Variants in SNX25 observed in about 807,000 individuals in gnomAD.
The protein encoded by SNX25 is sorting nexin-25.
SNX25 carries 62 observed loss-of-function variants against 113.7 expected under a neutral mutation model. The ratio of observed to expected loss-of-function variants is 0.55; its 90% CI spans 0.44 to 0.67. The LOEUF (loss-of-function observed/expected upper bound fraction) is 0.67, where lower values mean the gene tolerates loss of function less well. Among genes scored for constraint, SNX25 ranks in the 30% least tolerant of loss-of-function variants. SNX25 has a pLI of 0.00. For missense variants in SNX25, 1,014 were observed against 1,161.0 expected, an observed-to-expected ratio of 0.87 and a Z score of 1.84; for synonymous variants, 421 against 436.2, an observed-to-expected ratio of 0.97 and a Z score of 0.43.
intron 2 of SNX25, 52 bp from the exon 3 acceptor site, chr4:185,258,796 G>T (rs1311620309): frequency 6.7e-5 from 97 of 1,438,476 alleles, no homozygotes; most frequent in Non-Finnish European, 8.5e-5. Context: ...ATGCAGTCTT[G>T]GTGTTTGCTT....
intron 1 of SNX25, among the ~76,000 whole-genome samples, chr4:185,225,639 G>A (rs566460242): frequency 8.5e-5 from 13 of 152,314 alleles, no homozygotes; most frequent in African/African-American, 2.2e-4. Context: ...TGTGAACGTC[G>A]TGAAGTGAAT....
chr4:185,207,576 T>C (rs546622294), upstream of SNX25, among the ~76,000 whole-genome samples: 1 of 152,264 alleles, frequency 6.6e-6, no homozygotes, highest in South Asian at 2.1e-4. Context: ...CCTTTTTTTT[T>C]CTCTTCTGTA....
chr4:185,218,231 C>A (rs1048720371), intron 1 of SNX25, among the ~76,000 whole-genome samples: 4 of 152,180 alleles, frequency 2.6e-5, no homozygotes, highest in Non-Finnish European at 5.9e-5. Flanking sequence ...ATTACAGGCG[C>A]CCGCCATCAA....
chr4:185,342,575 A>G lies in SNX25; in HGVS notation c.2187+459A>G, dbSNP rs142692654. 1.6e-4 allele frequency among the ~76,000 whole-genome samples: 24 copies of G among 151,190 alleles called. No individual in the cohort carries two copies. The East Asian group carries it at 3.9e-3, about 25-fold the overall frequency. ...GTGCTTGGAGGATTCTGTCACATAC[A>G]CAAGAGAGGCAGTAAGGCGCGGTGC... On this transcript the variant is annotated intron_variant, in intron 12 of 18. Coordinates refer to ENST00000652585, the MANE Select transcript of SNX25 (RefSeq NM_001378034.2).
chr4:185,277,056 G>A (rs1403030237), intron 5 of SNX25, among the ~76,000 whole-genome samples: 3 of 152,080 alleles, frequency 2.0e-5, no homozygotes, highest in Non-Finnish European at 4.4e-5. Flanking sequence ...AAGGAGTCTC[G>A]CTCTGTCACC....
chr4:185,297,716 A>G (rs1010952322), intron 6 of SNX25, among the ~76,000 whole-genome samples: 1 of 152,130 alleles, frequency 6.6e-6, no homozygotes, highest in Non-Finnish European at 1.5e-5. Context: ...CGTCCTTGCT[A>G]TATCCTCACG....
chr4:185,340,259 G>A (rs899962564), intron 11 of SNX25, among the ~76,000 whole-genome samples: 9 of 152,050 alleles, frequency 5.9e-5, no homozygotes, highest in African/African-American at 2.2e-4. Flanking sequence ...TTTCCCTCAA[G>A]CCAGTGGCTT....
intron 9 of SNX25, 59 bp downstream of exon 9, chr4:185,323,859 G>T: frequency 6.3e-7 from 1 of 1,583,586 alleles, no homozygotes; most frequent in South Asian, 1.2e-5. Context: ...ATATGTTTAA[G>T]TGGGTGCATA....
chr4:185,294,111 C>T lies in SNX25; in HGVS notation c.1162+6029C>T, dbSNP rs140439393. Among the ~76,000 whole-genome samples the T allele has an allele frequency of 1.0e-3, 156 of 152,234 alleles. 1 individual carries two copies. Among genetic ancestry groups the T allele is most frequent in the African/African-American group, 3.6e-3 (148 of 41,558 alleles). On this transcript the variant is annotated intron_variant, in intron 6 of 18. Transcript: ENST00000652585. ...AGAGAATGATAGTGCTGGTGCGATC[C>T]GCTGACTTTACAGAGGAGGGAACAG... is the stretch of plus-strand genomic sequence containing the variant.
At chr4:185,375,664 A>G in the SNX25 span, 1 of 1,612,270 alleles carries the variant, frequency 6.2e-7, no homozygotes, top group East Asian at 2.2e-5. Context: ...CTAGCTGGTA[A>G]GTTGCTTGAT....
chr4:185,328,111 A>G (rs2095169313), intron 9 of SNX25, among the ~76,000 whole-genome samples: 1 of 152,212 alleles, frequency 6.6e-6, no homozygotes, highest in African/African-American at 2.4e-5. Context: ...TAGACATTGC[A>G]CACAACACAT....
chr4:185,316,408 T>C (rs2095074803), intron 7 of SNX25, among the ~76,000 whole-genome samples: 1 of 152,216 alleles, frequency 6.6e-6, no homozygotes, highest in African/African-American at 2.4e-5. Flanking sequence ...GATTGAAACC[T>C]ACATGTATCT....
At chr4:185,378,097 C>T in the SNX25 span, 1 of 1,612,920 alleles carries the variant, frequency 6.2e-7, no homozygotes, top group Non-Finnish European at 8.5e-7. Flanking sequence ...TTTCCTTTTT[C>T]CACTGGAAAA....
At chr4:185,221,917 T>C (rs1189427160) in intron 1 of SNX25, among the ~76,000 whole-genome samples, 1 of 152,130 alleles carries the variant, frequency 6.6e-6, no homozygotes, top group Non-Finnish European at 1.5e-5. Flanking sequence ...TAGCACCATA[T>C]ACTTCTCCTT....
downstream of SNX25, chr4:185,374,017 A>G (rs1466453632): frequency 7.4e-6 from 6 of 814,232 alleles, 1 homozygote; most frequent in Middle Eastern, 8.0e-4. Flanking sequence ...CTTTCTTTAC[A>G]TTTAAAGGAA....
intron 1 of SNX25, among the ~76,000 whole-genome samples, chr4:185,245,812 G>A (rs1744785061): frequency 6.6e-6 from 1 of 152,060 alleles, no homozygotes; most frequent in South Asian, 2.1e-4. Flanking sequence ...TATCCCTAAA[G>A]CATTCTTTTT....
chr4:185,294,061 G>A (rs1022215587), intron 6 of SNX25, among the ~76,000 whole-genome samples: 17 of 152,140 alleles, frequency 1.1e-4, no homozygotes, highest in African/African-American at 3.6e-4. Flanking sequence ...TTAGCGACTC[G>A]CGGAAGATGG....
chr4:185,359,152 C>T (rs570096840), intron 16 of SNX25, among the ~76,000 whole-genome samples: 99 of 152,158 alleles, frequency 6.5e-4, no homozygotes, highest in East Asian at 2.5e-3. Context: ...CAGAAGTTTA[C>T]GACCAGCCTG....
intron 3 of SNX25, among the ~76,000 whole-genome samples, chr4:185,262,906 C>T (rs762813437): frequency 6.6e-6 from 1 of 152,196 alleles, no homozygotes; most frequent in Admixed American, 6.5e-5. Context: ...CCCCACCCCT[C>T]GTGGTGCTTT....
Sources: allele counts gnomAD v4.1 joint callset (sites outside exome capture counted in the v4.1 genomes callset), GRCh38; gene constraint gnomAD v4.1.1; transcripts MANE v1.5; gene names NCBI Gene and HGNC (gene_info 2026-07-23, HGNC 2026-07-21).